SORCS1: variants seen among roughly 807,000 people sequenced by gnomAD.
SORCS1 encodes sortilin related VPS10 domain containing receptor 1, also known as VPS10 domain-containing receptor SorCS1.
In SORCS1, 60 loss-of-function variants were observed where a neutral mutation model predicts 146.1. The ratio of observed to expected loss-of-function variants is 0.41; its 90% CI spans 0.33 to 0.51. The LOEUF (loss-of-function observed/expected upper bound fraction) is 0.51, where lower values mean the gene tolerates loss of function less well. Among genes scored for constraint, SORCS1 ranks in the 20% least tolerant of loss-of-function variants. The probability of loss-of-function intolerance (pLI) is 0.21; values close to 1 mark genes in which losing one functional copy is unlikely to be tolerated. For missense variants in SORCS1, 1,352 were observed against 1,487.6 expected (o/e 0.91, Z 1.50); for synonymous variants, 637 against 584.0 (o/e 1.09, Z -1.31).
chr10:107,103,491 C>T (rs997279657), intron 1 of SORCS1, among the ~76,000 whole-genome samples: 2 of 152,214 alleles, frequency 1.3e-5, no homozygotes, highest in African/African-American at 4.8e-5. Flanking sequence ...GCTTCCTCAG[C>T]ATAAGGTCTC....
intron 1 of SORCS1, among the ~76,000 whole-genome samples, chr10:107,006,586 G>A (rs1372302667): frequency 1.3e-5 from 2 of 152,224 alleles, no homozygotes; most frequent in African/African-American, 2.4e-5. Context: ...GGGAGGCCGA[G>A]GCGGGCAGAT....
intron 12 of SORCS1, 26 bp downstream of exon 12, chr10:106,679,230 C>A (rs200952410): frequency 2.8e-5 from 45 of 1,580,602 alleles, no homozygotes; most frequent in African/African-American, 4.1e-5. Flanking sequence ...TAAACTTCAG[C>A]GATTTGACCC....
intron 1 of SORCS1, among the ~76,000 whole-genome samples, chr10:107,059,779 G>A (rs1406345625): frequency 6.6e-6 from 1 of 151,950 alleles, no homozygotes; most frequent in Non-Finnish European, 1.5e-5. Context: ...AAGTCCGTCT[G>A]GCACATCCTT....
At chr10:107,064,986 C>CA (rs1406144580) in intron 1 of SORCS1, among the ~76,000 whole-genome samples, 1 of 152,142 alleles carries the variant, frequency 6.6e-6, no homozygotes, top group Non-Finnish European at 1.5e-5. Context: ...CTCCGGCCCC[C>CA]AAGCACTGTT....
intron 3 of SORCS1, among the ~76,000 whole-genome samples, chr10:106,800,321 G>C (rs1186216801): frequency 1.3e-5 from 2 of 152,066 alleles, no homozygotes; most frequent in Non-Finnish European, 2.9e-5. Flanking sequence ...TATATGCTAA[G>C]TGATACTTAC....
intron 1 of SORCS1, among the ~76,000 whole-genome samples, chr10:106,990,129 T>C (rs754179217): frequency 1.3e-5 from 2 of 152,222 alleles, no homozygotes; most frequent in African/African-American, 4.8e-5. Flanking sequence ...CTTTCCTTTT[T>C]AGATTACCTG....
chr10:106,754,676 G>T (rs997145101), intron 5 of SORCS1, among the ~76,000 whole-genome samples: 3 of 152,192 alleles, frequency 2.0e-5, no homozygotes, highest in African/African-American at 4.8e-5. Flanking sequence ...GGAAGAATGA[G>T]AATGTGTATA....
At chr10:106,865,104 C>CT (rs1228584641) in intron 2 of SORCS1, among the ~76,000 whole-genome samples, 1 of 152,084 alleles carries the variant, frequency 6.6e-6, no homozygotes, top group Non-Finnish European at 1.5e-5. Flanking sequence ...AATCAGACCC[C>CT]TGGCACAGCA....
At chr10:107,145,206 G>A (rs568715543) in intron 1 of SORCS1, among the ~76,000 whole-genome samples, 2 of 152,274 alleles carry the variant, frequency 1.3e-5, no homozygotes, top group African/African-American at 4.8e-5. Context: ...GAAAGTCTTG[G>A]GCAAACATAT....
intron 2 of SORCS1, among the ~76,000 whole-genome samples, chr10:106,922,886 CTTTTCT>C (rs1164778353): frequency 1.7e-4 from 20 of 115,454 alleles, no homozygotes; most frequent in Admixed American, 1.0e-3. Flanking sequence ...ACCATGCAGC[CTTTTCT>C]TTTTTTTTTT....
rs1263449368 is a variant in SORCS1, at chr10:107,164,366, C to A, written c.161G>T (p.Arg54Met). 4 of 1,495,682 alleles carry A rather than the reference C, an allele frequency of 2.7e-6. No individual in the cohort carries two copies. The highest frequency in any genetic ancestry group is 4.5e-5 in the Admixed American group (2 of 44,220). 92.7% of individuals were successfully genotyped at this position (1,495,682 alleles called of 1,614,324 possible). A position where few individuals can be genotyped will look rare whatever the true frequency, so the allele number is the denominator to read the frequency against. ...TGGCCGCCCCTGGTGGGAAAAGCCC[C>A]TAGGGGTCGAGGCCGAGCGTGGAGC... ...SSAPRSASTP[R>M]GFSHQGRPGR... is the part of the protein sequence containing the mutation. The change falls in exon 1 of 26, where the codon AGG becomes ATG. Residue 54 changes from arginine (R) to methionine (M), a missense_variant. Physicochemically the swap from Arg to Met is moderately conservative, Grantham distance 91. Around this residue, in one of 3 missense-constraint regions of SORCS1, gnomAD observed 490 missense variants for 489.1 expected, o/e 1.00. Transcript: ENST00000263054. The surrounding 1 kb of genome is among the most constrained non-coding windows in gnomAD (Gnocchi z 6.8).
chr10:106,991,766 A>T (rs1268522360), intron 1 of SORCS1, among the ~76,000 whole-genome samples: 2 of 152,256 alleles, frequency 1.3e-5, no homozygotes, highest in African/African-American at 4.8e-5. Context: ...GACAGTAAAG[A>T]GAAAAAGACA....
intron 8 of SORCS1, among the ~76,000 whole-genome samples, chr10:106,704,987 A>G (rs1854415645): frequency 6.6e-6 from 1 of 152,200 alleles, no homozygotes; most frequent in African/African-American, 2.4e-5. Context: ...AGACCTTCCT[A>G]AGAGATTATC....
At chr10:106,772,056 T>C (rs1860059780) in intron 4 of SORCS1, among the ~76,000 whole-genome samples, 1 of 152,230 alleles carries the variant, frequency 6.6e-6, no homozygotes, top group South Asian at 2.1e-4. Flanking sequence ...AAAGAGCTGA[T>C]AAAACTTATC....
At chr10:107,061,985 T>C (rs1488310346) in intron 1 of SORCS1, among the ~76,000 whole-genome samples, 2 of 152,196 alleles carry the variant, frequency 1.3e-5, no homozygotes, top group Admixed American at 6.5e-5. Context: ...GTTAAATGTA[T>C]GTCACACTTT....
At chr10:106,808,778 A>C (rs1947314283) in intron 3 of SORCS1, among the ~76,000 whole-genome samples, 1 of 152,192 alleles carries the variant, frequency 6.6e-6, no homozygotes, top group Non-Finnish European at 1.5e-5. Flanking sequence ...TTGGGATTAC[A>C]GGCATGAGTC....
chr10:106,652,615 T>C (rs1409121675), intron 17 of SORCS1, 62 bp from the exon 18 acceptor site: 2 of 1,577,562 alleles, frequency 1.3e-6, no homozygotes, highest in Non-Finnish European at 1.7e-6. Flanking sequence ...TTCCCACTTT[T>C]TAAAATTAGA....
chr10:107,010,526 A>G (rs1408234980), intron 1 of SORCS1, among the ~76,000 whole-genome samples: 1 of 152,190 alleles, frequency 6.6e-6, no homozygotes, highest in East Asian at 1.9e-4. Context: ...GTGAACATCC[A>G]TCACTCAGTT....
intron 10 of SORCS1, among the ~76,000 whole-genome samples, chr10:106,686,047 A>T (rs2135607452): frequency 6.6e-6 from 1 of 152,332 alleles, no homozygotes; most frequent in Non-Finnish European, 1.5e-5. Flanking sequence ...GTCAAAATTC[A>T]TTGAACTATA....
Sources: gnomAD v4.1 joint callset for allele counts (sites outside exome capture counted in the v4.1 genomes callset) on GRCh38, gnomAD v4.1.1 for gene constraint, gnomAD v4.1.1 regional missense constraint, Gnocchi (gnomAD v3.1) non-coding constraint, MANE v1.5 for transcripts, NCBI Gene and HGNC (gene_info 2026-07-23, HGNC 2026-07-21) for gene names.